The following TLE6 variants were observed in gnomAD, a reference collection of about 807,000 sequenced individuals.
The protein encoded by TLE6 is transducin-like enhancer protein 6.
Under a neutral mutation model 77.1 loss-of-function variants are expected in TLE6, and 72 were observed. That is an observed-to-expected ratio of 0.93 (90% CI 0.77 to 1.14). The LOEUF (loss-of-function observed/expected upper bound fraction) is 1.14. Among genes scored for constraint, TLE6 ranks in the 50% most tolerant of loss-of-function variants. TLE6 has a pLI of 0.00. For missense variants in TLE6, 843 were observed against 747.6 expected (o/e 1.13, Z -1.49); for synonymous variants, 366 against 287.3 (o/e 1.27, Z -2.77).
chr19:2,981,932 G>T (rs1005078542), intron 4 of TLE6, among the ~76,000 whole-genome samples: 4 of 151,944 alleles, frequency 2.6e-5, no homozygotes, highest in Non-Finnish European at 5.9e-5. Flanking sequence ...AGATCACACT[G>T]TACTGCAGCC....
rs2089150260 is a variant in TLE6 at position 2,994,022 on chromosome 19, A to G, written c.1541A>G (p.Gln514Arg). 3 of 1,602,940 alleles carry G rather than the reference A, an allele frequency of 1.9e-6. No homozygotes were observed. Among genetic ancestry groups the G allele is most frequent in the Non-Finnish European group, 2.6e-6 (3 of 1,175,616 alleles). ...ILSVKFSPFGQWWASVGMDDF... is the reference protein window; with the variant it reads ...ILSVKFSPFGRWWASVGMDDF... ...GCTGATGCTCCATTTCTCCCAGGCC[A>G]GTGGTGGGCAAGCGTTGGAATGGAC... is the stretch of plus-strand genomic sequence containing the variant. The change falls in exon 16 of 17, where the codon CAG (glutamine) becomes CGG (arginine). Residue 514 changes from glutamine to arginine, a missense_variant. Coordinates refer to ENST00000246112, the MANE Select transcript of TLE6 (RefSeq NM_001143986.2).
chr19:2,994,195 GC>G, intron 16 of TLE6, 100 bp downstream of exon 16: 1 of 999,596 alleles, frequency 1.0e-6, no homozygotes, highest in Non-Finnish European at 1.5e-6. Flanking sequence ...TTAAAAAGTA[GC>G]CAGGTGTGGT....
At chr19:2,986,797 A>G in intron 5 of TLE6, 32 bp from the exon 6 acceptor site, 2 of 1,550,356 alleles carry the variant, frequency 1.3e-6, no homozygotes, top group Non-Finnish European at 1.7e-6. Flanking sequence ...CTGCAACAAC[A>G]TTTAACTGTT....
intron 3 of TLE6, among the ~76,000 whole-genome samples, chr19:2,980,923 C>T (rs1177033180): frequency 6.6e-6 from 1 of 151,494 alleles, no homozygotes; most frequent in East Asian, 1.9e-4. Context: ...TGGTGGTGCA[C>T]ACCTGTAGTC....
chr19:2,994,071 G>C lies in TLE6; in HGVS notation c.1590G>C (p.Met530Ile), dbSNP rs752974556. 6.2e-7 allele frequency: 1 copy of C among 1,606,974 alleles called. No homozygotes were observed. The highest frequency in any genetic ancestry group is 1.7e-5 in the Admixed American group (1 of 58,598). The change falls in exon 16 of 17, where the codon ATG (methionine) becomes ATC (isoleucine). Residue 530 changes from methionine to isoleucine, a missense_variant. Transcript: ENST00000246112. ...ACGACTTCCTTGGCGTCTACAGCAT[G>C]CCGGCGGGGACAAAAGTGTTCGAGG... ...GMDDFLGVYSMPAGTKVFEVP... is the reference protein window; with the variant it reads ...GMDDFLGVYSIPAGTKVFEVP...
Position 2,981,530 on chromosome 19 carries a change from C to T in TLE6, c.135-8C>T. 6.4e-7 allele frequency: 1 copy of T among 1,551,562 alleles called. No homozygotes were observed. The highest frequency in any genetic ancestry group is 8.7e-7 in the Non-Finnish European group (1 of 1,146,954). ...CAGGTCTTCCAGCCTGTCCTCCTTCCCCCTCAGGTTTTCTCCTCATTTTGC... is the reference window on the plus strand; with the variant it reads ...CAGGTCTTCCAGCCTGTCCTCCTTCTCCCTCAGGTTTTCTCCTCATTTTGC... On this transcript the variant is annotated splice_region_variant and splice_polypyrimidine_tract_variant and intron_variant, in intron 3 of 16. Coordinates refer to ENST00000246112, the MANE Select transcript of TLE6 (RefSeq NM_001143986.2).
intron 15 of TLE6, 77 bp from the exon 16 acceptor site, chr19:2,993,942 A>C (rs1372859523): frequency 1.1e-5 from 9 of 810,026 alleles, no homozygotes; most frequent in Non-Finnish European, 1.7e-5. Context: ...AAAAAAAAAA[A>C]GGTGGGTGGG....
rs146785161 is a variant in TLE6 at position 2,992,364 on chromosome 19, C to T, written c.1386+380C>T. On this transcript the variant is annotated intron_variant, in intron 14 of 16. Coordinates refer to ENST00000246112, the MANE Select transcript of TLE6 (RefSeq NM_001143986.2). The stretch of plus-strand genomic sequence containing the variant: ...GCACATGCCTATAATCCCAGCTAGT[C>T]GGGAGGCTGAGGCAGGAGAATCGCT... Among the ~76,000 whole-genome samples the T allele has an allele frequency of 2.3e-3, 354 of 152,090 alleles. 1 individual carries two copies. Among genetic ancestry groups the T allele is most frequent in the African/African-American group, 7.9e-3 (328 of 41,512 alleles).
chr19:2,989,133 C>T lies in TLE6; in HGVS notation c.813C>T (p.Leu271=), dbSNP rs139697821. 5.0e-6 allele frequency: 8 copies of T among 1,614,136 alleles called. No homozygotes were observed. Among genetic ancestry groups the T allele is most frequent in the South Asian group, 3.3e-5 (3 of 91,082 alleles). ...CCTTGCCCGGGCAGTCAAAGAGACTCGCCGTCCCGTGCAAACTGGAAAAGA... is the reference window on the plus strand; with the variant it reads ...CCTTGCCCGGGCAGTCAAAGAGACTTGCCGTCCCGTGCAAACTGGAAAAGA... ...PDALPGQSKR[L]AVPCKLEKMR... Residue 271 remains leucine (L), a synonymous_variant, in exon 12 of 17, where the codon CTC becomes CTT. Transcript: ENST00000246112.
rs571109907 is a variant in TLE6 at position 2,977,873 on chromosome 19, G to A, written c.-37+263G>A. ...TTTAGGAAATTGTCTCAAAACTAAG[G>A]TTGAGCTTTGGCGACCTTCCCTGGG... On this transcript the variant is annotated intron_variant, in intron 1 of 16. Transcript: ENST00000246112. Among the ~76,000 whole-genome samples the A allele has an allele frequency of 2.0e-5, 3 of 152,232 alleles. No individual in the cohort carries two copies. The East Asian group carries it at 5.8e-4, about 29-fold the overall frequency.
intron 5 of TLE6, 67 bp from the exon 6 acceptor site, chr19:2,986,762 A>G (rs2033105221): frequency 6.9e-7 from 1 of 1,450,762 alleles, no homozygotes. Flanking sequence ...GGGGATAATC[A>G]TGCTGTAGGA....
rs749984134 is a variant in TLE6 at position 2,987,110 on chromosome 19, A to C, written c.413A>C (p.Glu138Ala). Reference sequence around the variant, plus strand: ...GACTGGCTCCGGCGGCCTTTGGGGGAGGACAATCAGCCGGAGACCCAGCTG... The same window carrying C: ...GACTGGCTCCGGCGGCCTTTGGGGGCGGACAATCAGCCGGAGACCCAGCTG... Reference protein sequence around the residue: ...SSDWLRRPLGEDNQPETQLFW... With the variant: ...SSDWLRRPLGADNQPETQLFW... The change falls in exon 7 of 17, where the codon GAG becomes GCG. Residue 138 changes from glutamate to alanine, a missense_variant. By Grantham distance (107) the Glu-to-Ala change is moderately radical. Coordinates refer to ENST00000246112, the MANE Select transcript of TLE6 (RefSeq NM_001143986.2). The C allele has an allele frequency of 5.0e-6, 8 of 1,614,004 alleles. No homozygotes were observed. Among genetic ancestry groups the C allele is most frequent in the South Asian group, 1.1e-5 (1 of 91,078 alleles).
intron 2 of TLE6, among the ~76,000 whole-genome samples, chr19:2,979,458 G>A (rs1347913614): frequency 1.3e-5 from 2 of 150,700 alleles, no homozygotes; most frequent in African/African-American, 2.4e-5. Flanking sequence ...AGTTGCCCAG[G>A]GTTGTCTCAA....
chr19:2,981,558 C>T lies in TLE6; in HGVS notation c.155C>T (p.Ala52Val), dbSNP rs527349785. 38 of 1,551,522 alleles carry T rather than the reference C, an allele frequency of 2.4e-5. No homozygotes were observed. Among genetic ancestry groups the T allele is most frequent in the African/African-American group, 1.8e-4 (13 of 73,140 alleles). ...QFPRFSPHFAAELESIYYSLH... is the reference protein window; with the variant it reads ...QFPRFSPHFAVELESIYYSLH... ...CTCAGGTTTTCTCCTCATTTTGCTG[C>T]GGAGTTGGAGAGCATTTACTACTCG... is the stretch of plus-strand genomic sequence containing the variant. Residue 52 changes from alanine (A) to valine (V), a missense_variant, in exon 4 of 17, where the codon GCG (alanine) becomes GTG (valine). By Grantham distance (64) the Ala-to-Val change is moderately conservative. Transcript: ENST00000246112.
At chr19:2,979,004 T>C (rs1327698908) in intron 2 of TLE6, among the ~76,000 whole-genome samples, 1 of 152,126 alleles carries the variant, frequency 6.6e-6, no homozygotes, top group African/African-American at 2.4e-5. Flanking sequence ...TCGGCTGGAA[T>C]GCAATGGCGC....
At position 2,995,054 on chromosome 19, in the gene TLE6, C is replaced by G. The variant is rs551067044; in HGVS notation, c.*50C>G. 1.9e-6 allele frequency: 2 copies of G among 1,051,832 alleles called. No individual in the cohort carries two copies. The highest frequency in any genetic ancestry group is 1.4e-5 in the South Asian group (1 of 69,860). The allele number at this position is 1,051,832 out of a possible 1,614,324, so 65.2% of individuals were successfully genotyped here. A position where few individuals can be genotyped will look rare whatever the true frequency, so the allele number is the denominator to read the frequency against. On this transcript the variant is annotated 3_prime_UTR_variant, in exon 17 of 17. Coordinates refer to ENST00000246112, the MANE Select transcript of TLE6 (RefSeq NM_001143986.2). Reference sequence around the variant, plus strand: ...TCCGGCTCCTCTTTTCATCCCCCCCCTTCCCCCCCCCCAACAAGGGGGACA... The same window carrying G: ...TCCGGCTCCTCTTTTCATCCCCCCCGTTCCCCCCCCCCAACAAGGGGGACA...
At chr19:2,993,072 A>G (rs1053518747) in intron 14 of TLE6, among the ~76,000 whole-genome samples, 5 of 147,874 alleles carry the variant, frequency 3.4e-5, no homozygotes, top group African/African-American at 1.3e-4. Context: ...TTAGCCAGGC[A>G]TGGTGGCGCA....
chr19:2,986,640 G>GA (rs1296408985), intron 5 of TLE6, among the ~76,000 whole-genome samples, 189 bp from the exon 6 acceptor site: 1 of 152,016 alleles, frequency 6.6e-6, no homozygotes, highest in Non-Finnish European at 1.5e-5. Flanking sequence ...CTTGAACCTG[G>GA]GAGGCGGAGG....
rs758802589 is a variant in TLE6, at chr19:2,989,072, C to CT, written c.753dup (p.Glu252Ter). The CT allele has an allele frequency of 1.2e-6, 2 of 1,613,840 alleles. No individual in the cohort carries two copies. The highest frequency in any genetic ancestry group is 3.3e-5 in the Admixed American group (2 of 60,016). On this transcript the variant is annotated frameshift_variant, in exon 12 of 17. Coordinates refer to ENST00000246112, the MANE Select transcript of TLE6 (RefSeq NM_001143986.2). LOFTEE classifies it high-confidence loss of function. ...CCTCCCCTCCCAAGATCCTGGGACC[C>CT]TGAGGACTTTGAAGATGCATGGAAG...
Sources: gnomAD v4.1 joint callset for allele counts (sites outside exome capture counted in the v4.1 genomes callset) on GRCh38, gnomAD v4.1.1 for gene constraint, MANE v1.5 for transcripts, NCBI Gene and HGNC (gene_info 2026-07-23, HGNC 2026-07-21) for gene names.